The following PPP1R3F variants were observed in gnomAD, a reference collection of about 807,000 sequenced individuals.
PPP1R3F encodes the protein protein phosphatase 1, regulatory (inhibitor) subunit 3F.
In PPP1R3F, 29 loss-of-function variants were observed where a neutral mutation model predicts 24.2. The ratio of observed to expected loss-of-function variants is 1.20; its 90% confidence interval spans 0.89 to 1.63. The LOEUF is 1.63. PPP1R3F is among the 40% of genes most tolerant of loss of function. PPP1R3F has a pLI of 0.00. For synonymous variants in PPP1R3F, 363 were observed against 340.1 expected (o/e 1.07, Z -0.74); for missense variants, 823 against 729.3 (o/e 1.13, Z -1.48).
At chrX:49,288,516 A>G (rs1342782034), downstream of PPP1R3F, among the ~76,000 whole-genome samples, 5 of 110,580 alleles carry the variant, frequency 4.5e-5, no homozygotes, top group African/African-American at 1.7e-4. Context: ...TCTTAAATTT[A>G]TGTAGAAGTG....
At chrX:49,290,329 C>T (rs2066305049), downstream of PPP1R3F, among the ~76,000 whole-genome samples, 1 of 110,889 alleles carries the variant, frequency 9.0e-6, no homozygotes. Context: ...TCGTGTGCCC[C>T]TGACACCAGC....
In PPP1R3F at chrX:49,270,324, C is replaced by T. The variant is rs1557118768; in HGVS notation, c.455C>T (p.Ala152Val). The change falls in exon 1 of 4, where the codon GCC becomes GTC. Residue 152 changes from alanine (A) to valine (V), a missense_variant. By Grantham distance (64) the Ala-to-Val change is moderately conservative (BLOSUM62 0). Transcript: ENST00000055335. ...LPPPGAVPGG[A>V]GVWVPGGRPP... is the part of the protein sequence containing the mutation. Reference sequence around the variant, plus strand: ...CCTCCCGGAGCGGTCCCCGGGGGTGCCGGGGTGTGGGTGCCTGGGGGCCGC... The same window carrying T: ...CCTCCCGGAGCGGTCCCCGGGGGTGTCGGGGTGTGGGTGCCTGGGGGCCGC... 4 of 1,132,245 alleles carry T rather than the reference C, an allele frequency of 3.5e-6. No homozygotes were observed. The highest frequency in any genetic ancestry group is 4.6e-6 in the Non-Finnish European group (4 of 862,171). 93.3% of individuals were successfully genotyped at this position (1,132,245 alleles called of 1,213,427 possible). A position where few individuals can be genotyped will look rare whatever the true frequency, so the allele number is the denominator to read the frequency against.
chrX:49,282,227 T>G (rs1392124321), intron 3 of PPP1R3F, among the ~76,000 whole-genome samples, 164 bp downstream of exon 3: 3 of 111,723 alleles, frequency 2.7e-5, no homozygotes, highest in Non-Finnish European at 5.6e-5. Context: ...ATGCAGTTAC[T>G]CAGCTGGGCT....
chrX:49,285,817 C>G lies in PPP1R3F; in HGVS notation c.1144-17C>G, dbSNP rs782394061. ...CCTTGCTTTTTCTCTGCCCCCTTGC[C>G]CCGGCCATGGCTCCAGGTTTCTGAC... On this transcript the variant is annotated splice_polypyrimidine_tract_variant and intron_variant, in intron 3 of 3. Transcript: ENST00000055335. 8.9e-7 allele frequency: 1 copy of G among 1,125,628 alleles called. No individual in the cohort carries two copies. Among genetic ancestry groups the G allele is most frequent in the Non-Finnish European group, 1.2e-6 (1 of 851,133 alleles). 92.8% of individuals were successfully genotyped at this position (1,125,628 alleles called of 1,213,427 possible). A position where few individuals can be genotyped will look rare whatever the true frequency, so the allele number is the denominator to read the frequency against.
rs1557121554 is a variant in PPP1R3F, at chrX:49,286,453, C to G, written c.1763C>G (p.Ser588Cys). 9.2e-6 allele frequency: 11 copies of G among 1,196,940 alleles called. No individual in the cohort carries two copies. The highest frequency in any genetic ancestry group is 1.8e-5 in the African/African-American group (1 of 57,082). Reference protein sequence around the residue: ...EGEEGLSVTPSSPEGDSPKES... With the variant: ...EGEEGLSVTPCSPEGDSPKES... ...GAAGAGGGGCTCTCTGTCACACCCT[C>G]CAGCCCAGAAGGGGACAGCCCCAAG... Residue 588 changes from serine (S) to cysteine (C), a missense_variant, in exon 4 of 4, where the codon TCC becomes TGC. Coordinates refer to ENST00000055335, the MANE Select transcript of PPP1R3F (RefSeq NM_033215.5).
At position 49,281,427 on chromosome X, in the gene PPP1R3F, G is replaced by C. The variant is rs1557120702; in HGVS notation, c.1026G>C (p.Lys342Asn). The C allele has an allele frequency of 8.3e-7, 1 of 1,209,034 alleles. No individual in the cohort carries two copies. Among genetic ancestry groups the C allele is most frequent in the Admixed American group, 2.2e-5 (1 of 45,995 alleles). Residue 342 changes from lysine to asparagine, a missense_variant, in exon 2 of 4, where the codon AAG (lysine) becomes AAC (asparagine). Transcript: ENST00000055335. ...VRRRPAEEELKTKNMDDNTFA... is the reference protein window; with the variant it reads ...VRRRPAEEELNTKNMDDNTFA... ...GCAGGCCTGCCGAGGAGGAACTGAA[G>C]ACGAAGAACATGGATGATAACACCT...
At position 49,270,500 on chromosome X, in the gene PPP1R3F, A is replaced by ACAGGAG; in HGVS notation, c.638_643dup (p.Ala213_Gly214dup). ...CCCGCCGTGGGCAGGAGCGGGAGGA[A>ACAGGAG]CAGGAGCAGGAGATCCCATCCTGGA... On this transcript the variant is annotated inframe_insertion, in exon 1 of 4. Coordinates refer to ENST00000055335, the MANE Select transcript of PPP1R3F (RefSeq NM_033215.5). 8.3e-7 allele frequency: 1 copy of ACAGGAG among 1,205,887 alleles called. No homozygotes were observed. The highest frequency in any genetic ancestry group is 1.1e-6 in the Non-Finnish European group (1 of 894,977).
At chrX:49,296,577 T>C (rs1393031719) in intron 3 of PPP1R3F, among the ~76,000 whole-genome samples, 1 of 111,793 alleles carries the variant, frequency 8.9e-6, no homozygotes, top group Non-Finnish European at 1.9e-5. Context: ...ATTTGTTTGC[T>C]CTTGCTTCCC....
chrX:49,273,618 A>G (rs2066194640), intron 1 of PPP1R3F: 1 of 112,613 alleles, frequency 8.9e-6, no homozygotes, highest in Non-Finnish European at 1.9e-5. Context: ...TTATTGTTTT[A>G]GAACCTGTGT....
Position 49,270,524 on chromosome X carries a change from G to T in PPP1R3F, c.655G>T (p.Asp219Tyr). 1 of 1,205,661 alleles carries T rather than the reference G, an allele frequency of 8.3e-7. No homozygotes were observed. Reference sequence around the variant, plus strand: ...AACAGGAGCAGGAGATCCCATCCTGGATCCGGGGCTCGGCCTGGGTCCCGG... The same window carrying T: ...AACAGGAGCAGGAGATCCCATCCTGTATCCGGGGCTCGGCCTGGGTCCCGG... ...GGTGAGDPILDPGLGLGPGQA... is the reference protein window; with the variant it reads ...GGTGAGDPILYPGLGLGPGQA... Residue 219 changes from aspartate to tyrosine, a missense_variant, in exon 1 of 4, where the codon GAT becomes TAT. Coordinates refer to ENST00000055335, the MANE Select transcript of PPP1R3F (RefSeq NM_033215.5).
intron 3 of PPP1R3F, among the ~76,000 whole-genome samples, chrX:49,301,074 T>C (rs2066336060): frequency 8.9e-6 from 1 of 112,687 alleles, no homozygotes; most frequent in South Asian, 3.6e-4. Context: ...ATGTTTTACA[T>C]ATGTGTTTTC....
chrX:49,289,958 AC>A (rs2066303908), downstream of PPP1R3F, among the ~76,000 whole-genome samples: 1 of 110,522 alleles, frequency 9.0e-6, no homozygotes, highest in Admixed American at 9.6e-5. Flanking sequence ...AATCCCAGCT[AC>A]TTGGGAGGCT....
chrX:49,270,736 C>T lies in PPP1R3F; in HGVS notation c.867C>T (p.Pro289=), dbSNP rs376213043. 24 of 1,203,816 alleles carry T rather than the reference C, an allele frequency of 2.0e-5. No individual in the cohort carries two copies. In the Admixed American group the frequency reaches 2.6e-4, roughly 13 times the overall value. ...RNYTVLLRIA[P]APTPTDAEGL... is the part of the protein sequence containing the mutation. ...ACACAGTCCTGCTCCGGATCGCACC[C>T]GCTCCCACACCCACTGATGCCGAAG... The change falls in exon 1 of 4, where the codon CCC becomes CCT. Residue 289 remains proline (P), a synonymous_variant. Coordinates refer to ENST00000055335, the MANE Select transcript of PPP1R3F (RefSeq NM_033215.5).
intron 3 of PPP1R3F, among the ~76,000 whole-genome samples, chrX:49,297,744 T>C (rs2066327184): frequency 1.8e-5 from 2 of 110,683 alleles, no homozygotes; most frequent in Admixed American, 9.6e-5. Flanking sequence ...TTTACCATTA[T>C]GTAATGCCCT....
At chrX:49,271,199 C>A (rs1432539028) in intron 1 of PPP1R3F, among the ~76,000 whole-genome samples, 13 of 111,513 alleles carry the variant, frequency 1.2e-4, no homozygotes, top group Non-Finnish European at 2.3e-4. Flanking sequence ...ACAAAGTTAG[C>A]TGCTGAAGGG....
chrX:49,295,828 AG>A (rs1490330978), intron 3 of PPP1R3F, among the ~76,000 whole-genome samples: 1 of 109,576 alleles, frequency 9.1e-6, no homozygotes, highest in Non-Finnish European at 1.9e-5. Flanking sequence ...TAAACCTGAG[AG>A]GAAGGTACAG....
chrX:49,300,113 G>C (rs1272332652), intron 3 of PPP1R3F, among the ~76,000 whole-genome samples: 1 of 111,828 alleles, frequency 8.9e-6, no homozygotes, highest in African/African-American at 3.3e-5. Context: ...GCCCAGTTTT[G>C]TGTTTGAAAC....
rs781829759 is a variant in PPP1R3F at position 49,286,547 on chromosome X, A to T, written c.1857A>T (p.Pro619=). ...VVATMGDVWL[P]WAEGSGCDGP... is the part of the protein sequence containing the mutation. ...CCACGATGGGAGATGTGTGGCTCCC[A>T]TGGGCAGAGGGCTCAGGATGTGACG... The change falls in exon 4 of 4, where the codon CCA becomes CCT. Residue 619 remains proline, a synonymous_variant. Transcript: ENST00000055335. 8.3e-7 allele frequency: 1 copy of T among 1,210,017 alleles called. No individual in the cohort carries two copies. The highest frequency in any genetic ancestry group is 1.1e-6 in the Non-Finnish European group (1 of 894,981).
chrX:49,286,089 G>A lies in PPP1R3F; in HGVS notation c.1399G>A (p.Gly467Arg), dbSNP rs186790332. 7.9e-3 allele frequency: 9,299 copies of A among 1,172,182 alleles called. 861 individuals carry two copies. In the Admixed American group the frequency reaches 0.21, roughly 27 times the overall value. The change falls in exon 4 of 4, where the codon GGG becomes AGG. Residue 467 changes from glycine to arginine, a missense_variant. By Grantham distance (125) the Gly-to-Arg change is moderately radical. Transcript: ENST00000055335. Reference sequence around the variant, plus strand: ...ATGGGGAGTATCGAGTGAGAATGGAGGGGGGCTGGAGGCTGTGAGTGGGTC... The same window carrying A: ...ATGGGGAGTATCGAGTGAGAATGGAAGGGGGCTGGAGGCTGTGAGTGGGTC... ...ATWGVSSENG[G>R]GLEAVSGSEE...
Sources: allele counts gnomAD v4.1 joint callset (sites outside exome capture counted in the v4.1 genomes callset), GRCh38; gene constraint gnomAD v4.1.1; transcripts MANE v1.5; gene names NCBI Gene and HGNC (gene_info 2026-07-23, HGNC 2026-07-21).